HIVEP3: variants seen among roughly 807,000 people sequenced by gnomAD.
HIVEP3 encodes the protein HIVEP zinc finger 3.
In HIVEP3, 49 loss-of-function variants were observed where a neutral mutation model predicts 152.8. That is an observed-to-expected ratio of 0.32 (90% CI 0.26 to 0.41). The LOEUF is 0.41. HIVEP3 is among the 10% of genes least tolerant of loss of function. HIVEP3 has a pLI of 1.00. For synonymous variants in HIVEP3, 1,269 were observed against 1,289.0 expected (o/e 0.98, Z 0.33); for missense variants, 2,790 against 3,103.3 (o/e 0.90, Z 2.40).
chr1:41,967,652 C>G (rs947804055), intron 1 of HIVEP3, among the ~76,000 whole-genome samples: 1 of 152,022 alleles, frequency 6.6e-6, no homozygotes, highest in Non-Finnish European at 1.5e-5. Context: ...GAACCAAGAG[C>G]AAACAAACCC....
In HIVEP3 at chr1:41,511,005, T is replaced by C; in HGVS notation, c.6667A>G (p.Ser2223Gly). 6.2e-7 allele frequency: 1 copy of C among 1,613,490 alleles called. No homozygotes were observed. Among genetic ancestry groups the C allele is most frequent in the Non-Finnish European group, 8.5e-7 (1 of 1,179,726 alleles). Residue 2223 changes from serine (S) to glycine (G), a missense_variant, in exon 9 of 9, where the codon AGT becomes GGT. By Grantham distance (56) the Ser-to-Gly change is moderately conservative (BLOSUM62 0). This residue lies in a region of HIVEP3 where 816 missense variants were observed against 806.5 expected (regional missense o/e 1.01). Coordinates refer to ENST00000372583, the MANE Select transcript of HIVEP3 (RefSeq NM_024503.5). This position sits in a 1 kb window ranked among gnomAD's most constrained non-coding sequence, Gnocchi z 4.9. ...TCGCTGCCACCCCCGGAGAAGCCAC[T>C]GACCCAGGCTGCGGTGGGCCCTGGC... ...LLPGPTAAWV[S>G]GFSGGGSDLT...
chr1:41,976,585 T>C (rs2124507403), intron 1 of HIVEP3, among the ~76,000 whole-genome samples: 1 of 152,368 alleles, frequency 6.6e-6, no homozygotes, highest in Non-Finnish European at 1.5e-5. Flanking sequence ...ATTTATGGTA[T>C]TTATTTTCAA....
chr1:41,575,818 A>C (rs1558075315), intron 4 of HIVEP3, 129 bp from the exon 5 acceptor site: 8 of 978,426 alleles, frequency 8.2e-6, no homozygotes, highest in Admixed American at 2.3e-5. Context: ...ACACTCCCCC[A>C]TGAAGAGGTG....
intron 1 of HIVEP3, among the ~76,000 whole-genome samples, chr1:41,788,823 T>A (rs1649519753): frequency 6.6e-6 from 1 of 152,254 alleles, no homozygotes; most frequent in African/African-American, 2.4e-5. Flanking sequence ...GTCAGCCAGC[T>A]CCAAGACCTT....
chr1:41,655,557 T>A (rs970546420), intron 2 of HIVEP3, among the ~76,000 whole-genome samples: 5 of 121,894 alleles, frequency 4.1e-5, no homozygotes, highest in Non-Finnish European at 4.7e-5. Flanking sequence ...CACTCCAGCC[T>A]GAGTGACAGA....
intron 5 of HIVEP3, chr1:41,543,606 G>T (rs1354995868): frequency 6.6e-6 from 1 of 152,284 alleles, no homozygotes; most frequent in Non-Finnish European, 1.5e-5. Flanking sequence ...TCCAGGGGGT[G>T]AGCATAGACC....
At chr1:41,928,390 C>T (rs2124478874) in intron 1 of HIVEP3, among the ~76,000 whole-genome samples, 1 of 152,164 alleles carries the variant, frequency 6.6e-6, no homozygotes, top group South Asian at 2.1e-4. Flanking sequence ...TAATTTTAGA[C>T]TTATAGAGGA....
intron 1 of HIVEP3, among the ~76,000 whole-genome samples, chr1:41,809,723 A>T (rs550594810): frequency 4.5e-4 from 68 of 152,338 alleles, no homozygotes; most frequent in African/African-American, 1.2e-3. Context: ...TATGGTTGTT[A>T]CAGTTGACTG....
chr1:42,004,815 G>T (rs79711213), intron 1 of HIVEP3, among the ~76,000 whole-genome samples: 2 of 152,186 alleles, frequency 1.3e-5, no homozygotes, highest in Non-Finnish European at 2.9e-5. Flanking sequence ...TAGAAACTCT[G>T]GGGGTGAAGC....
intron 1 of HIVEP3, among the ~76,000 whole-genome samples, chr1:41,958,013 G>A (rs11210556): frequency 0.015 from 2,300 of 152,260 alleles, 57 homozygotes; most frequent in African/African-American, 0.054. Context: ...AGCAGAGTTT[G>A]GCATATATGG....
intron 1 of HIVEP3, among the ~76,000 whole-genome samples, chr1:41,762,099 CT>C (rs1334065303): frequency 6.6e-6 from 1 of 152,058 alleles, no homozygotes; most frequent in Non-Finnish European, 1.5e-5. Context: ...TTGTTTTAGC[CT>C]TTTTTGCATA....
intron 2 of HIVEP3, among the ~76,000 whole-genome samples, chr1:41,659,253 T>G (rs1645676000): frequency 6.6e-6 from 1 of 152,196 alleles, no homozygotes; most frequent in Non-Finnish European, 1.5e-5. Context: ...TACTCAGATC[T>G]CAAGATAAAT....
rs1164677731 is a variant in HIVEP3 at position 41,576,649 on chromosome 1, C to A, written c.5062-960G>T. Among the ~76,000 whole-genome samples, 3 of 152,314 alleles carry A rather than the reference C, an allele frequency of 2.0e-5. No homozygotes were observed. In the East Asian group the frequency reaches 5.8e-4, roughly 29 times the overall value. On this transcript the variant is annotated intron_variant, in intron 4 of 8. Transcript: ENST00000372583. Reference sequence around the variant, plus strand: ...TGATGCTGGGGCAATCTAAGAACGGCAGTCCCCTTTGCCAGCCACCACACC... The same window carrying A: ...TGATGCTGGGGCAATCTAAGAACGGAAGTCCCCTTTGCCAGCCACCACACC...
intron 1 of HIVEP3, among the ~76,000 whole-genome samples, chr1:41,998,364 T>C (rs907878753): frequency 8.5e-5 from 13 of 152,200 alleles, no homozygotes; most frequent in African/African-American, 3.1e-4. Context: ...ACAATCACTA[T>C]GTCTCCTTCC....
intron 1 of HIVEP3, among the ~76,000 whole-genome samples, chr1:41,718,196 C>T (rs764042161): frequency 5.3e-5 from 8 of 152,244 alleles, no homozygotes; most frequent in Non-Finnish European, 1.2e-4. Flanking sequence ...GAATGTCCCA[C>T]ATAGGGTGGC....
intron 1 of HIVEP3, among the ~76,000 whole-genome samples, chr1:41,741,234 C>A (rs1343719181): frequency 6.6e-6 from 1 of 152,156 alleles, no homozygotes; most frequent in African/African-American, 2.4e-5. Context: ...CCTTTTTCTT[C>A]TCCCGGGTCC....
At position 41,689,092 on chromosome 1, in the gene HIVEP3, C is replaced by T. The variant is rs191201689; in HGVS notation, c.-721+11824G>A. 5.0e-3 allele frequency among the ~76,000 whole-genome samples: 759 copies of T among 152,298 alleles called. 5 individuals carry two copies. The highest frequency in any genetic ancestry group is 0.017 in the African/African-American group (719 of 41,568). On this transcript the variant is annotated intron_variant, in intron 2 of 8. Coordinates refer to ENST00000372583, the MANE Select transcript of HIVEP3 (RefSeq NM_024503.5). ...AAGACACTTACAAGTGTTTACTTAC[C>T]GATTCATTTCATGAACTGAGTCTTA...
chr1:41,897,894 G>A (rs1644555428), intron 1 of HIVEP3, among the ~76,000 whole-genome samples: 1 of 151,400 alleles, frequency 6.6e-6, no homozygotes, highest in Non-Finnish European at 1.5e-5. Flanking sequence ...CTTTATTGCT[G>A]GGAGAAGGAG....
intron 6 of HIVEP3, 142 bp downstream of exon 6, chr1:41,524,593 C>A (rs1642847764): frequency 3.9e-6 from 3 of 772,604 alleles, no homozygotes; most frequent in Non-Finnish European, 4.3e-6. Flanking sequence ...CCACTGGGCA[C>A]CAAGCTGGGT....
Sources: allele counts gnomAD v4.1 joint callset (sites outside exome capture counted in the v4.1 genomes callset), GRCh38; gene constraint gnomAD v4.1.1; regional missense constraint gnomAD v4.1.1; non-coding constraint Gnocchi (gnomAD v3.1); transcripts MANE v1.5; gene names NCBI Gene and HGNC (gene_info 2026-07-23, HGNC 2026-07-21).